The following HAT1 variants were observed in gnomAD, a reference collection of about 807,000 sequenced individuals.
HAT1 encodes histone acetyltransferase 1.
Under a neutral mutation model 56.6 loss-of-function variants are expected in HAT1, and 20 were observed. The ratio of observed to expected loss-of-function variants is 0.35; its 90% CI spans 0.25 to 0.51. The LOEUF is 0.51. Ranked by LOEUF, HAT1 falls within the 20% of genes least tolerant of loss-of-function variation. The pLI is 0.95. For synonymous variants in HAT1, 146 were observed against 165.5 expected (o/e 0.88, Z 0.91); for missense variants, 408 against 504.3 (o/e 0.81, Z 1.83).
At chr2:171,925,889 T>C (rs1686576830) in intron 2 of HAT1, among the ~76,000 whole-genome samples, 1 of 152,202 alleles carries the variant, frequency 6.6e-6, no homozygotes, top group Non-Finnish European at 1.5e-5. Context: ...AATAAGTATA[T>C]ATAGTTTTAG....
chr2:171,946,839 C>A (rs1687179277), intron 3 of HAT1, 56 bp downstream of exon 3: 2 of 759,858 alleles, frequency 2.6e-6, no homozygotes, highest in African/African-American at 1.8e-5. Flanking sequence ...AATTTTCATT[C>A]TTTTTCTTTT....
At chr2:171,979,481 A>G (rs750214102) in intron 10 of HAT1, 118 bp downstream of exon 10, 3 of 634,408 alleles carry the variant, frequency 4.7e-6, no homozygotes, top group South Asian at 3.7e-5. Flanking sequence ...AACTTTTACA[A>G]AAGTAGAAAT....
intron 2 of HAT1, among the ~76,000 whole-genome samples, chr2:171,932,820 G>T (rs759736304): frequency 1.3e-5 from 2 of 152,142 alleles, no homozygotes; most frequent in Admixed American, 6.5e-5. Context: ...AGTGAGCTGC[G>T]ATCATCTCAC....
intron 2 of HAT1, among the ~76,000 whole-genome samples, chr2:171,932,634 A>G (rs1175337747): frequency 6.6e-6 from 1 of 152,160 alleles, no homozygotes; most frequent in Non-Finnish European, 1.5e-5. Flanking sequence ...TTGGGAGGCC[A>G]AGGCAGAAGG....
chr2:171,953,448 A>C (rs950867063), intron 4 of HAT1, among the ~76,000 whole-genome samples: 5 of 151,544 alleles, frequency 3.3e-5, no homozygotes, highest in Admixed American at 6.6e-5. Flanking sequence ...TTGGAGGCTG[A>C]AGTGGGAGGA....
At chr2:171,978,078 A>G (rs1688033034) in intron 9 of HAT1, among the ~76,000 whole-genome samples, 1 of 134,402 alleles carries the variant, frequency 7.4e-6, no homozygotes, top group South Asian at 2.2e-4. Context: ...TTTTTTTGAG[A>G]CAGGGTCTCT....
At chr2:171,972,731 G>C (rs1285971796) in intron 8 of HAT1, among the ~76,000 whole-genome samples, 3 of 152,214 alleles carry the variant, frequency 2.0e-5, no homozygotes, top group Non-Finnish European at 4.4e-5. Flanking sequence ...CTCCTATATA[G>C]TCCATGCTTA....
In HAT1 at chr2:171,965,440, C is replaced by A; in HGVS notation, c.412C>A (p.Pro138Thr). The A allele has an allele frequency of 6.2e-7, 1 of 1,610,722 alleles. No homozygotes were observed. The highest frequency in any genetic ancestry group is 1.1e-5 in the South Asian group (1 of 90,972). Residue 138 changes from proline to threonine, a missense_variant, in exon 5 of 11, where the codon CCA becomes ACA. By Grantham distance (38) the Pro-to-Thr change is conservative. Coordinates refer to ENST00000264108, the MANE Select transcript of HAT1 (RefSeq NM_003642.4). ...ACTGGAAAAGGAAGTTGATTTCAAG[C>A]CATTCGGAACCTTACTTCATACCTA... is the stretch of plus-strand genomic sequence containing the variant. ...SLLEKEVDFK[P>T]FGTLLHTYSV...
chr2:171,977,758 C>T (rs1402960727), intron 9 of HAT1, among the ~76,000 whole-genome samples: 1 of 151,350 alleles, frequency 6.6e-6, no homozygotes, highest in Non-Finnish European at 1.5e-5. Flanking sequence ...AACTCTGCCA[C>T]ATCCTTCTTC....
intron 2 of HAT1, among the ~76,000 whole-genome samples, chr2:171,931,926 C>A (rs914940212): frequency 5.9e-5 from 9 of 152,098 alleles, no homozygotes; most frequent in Non-Finnish European, 1.3e-4. Context: ...AAATTTTGAG[C>A]CTTTCACCAT....
chr2:171,972,963 C>T (rs1174093563), intron 8 of HAT1, among the ~76,000 whole-genome samples: 1 of 152,132 alleles, frequency 6.6e-6, no homozygotes, highest in Non-Finnish European at 1.5e-5. Flanking sequence ...GTTGTGTGAC[C>T]TTTCTGGTTA....
Position 171,965,486 on chromosome 2 carries a change from G to C in HAT1, c.458G>C (p.Gly153Ala). The change falls in exon 5 of 11, where the codon GGA (glycine) becomes GCA (alanine). Residue 153 changes from glycine to alanine, a missense_variant. Coordinates refer to ENST00000264108, the MANE Select transcript of HAT1 (RefSeq NM_003642.4). ...LHTYSVLSPTGGENFTFQIYK... is the reference protein window; with the variant it reads ...LHTYSVLSPTAGENFTFQIYK... ...ACCTACTCAGTTCTCAGTCCAACAG[G>C]AGGAGAAAACTTTACCTTTCAGATA... 6.3e-7 allele frequency: 1 copy of C among 1,598,344 alleles called. No homozygotes were observed.
At chr2:171,969,300 ATTG>A (rs1187149815) in intron 8 of HAT1, among the ~76,000 whole-genome samples, 1 of 152,114 alleles carries the variant, frequency 6.6e-6, no homozygotes, top group Non-Finnish European at 1.5e-5. Context: ...AATGTACTTT[ATTG>A]TTCTGGGATG....
At position 171,983,442 on chromosome 2, in the gene HAT1, C is replaced by T. The variant is rs368733796; in HGVS notation, c.*90C>T. 1.6e-6 allele frequency: 1 copy of T among 615,730 alleles called. No individual in the cohort carries two copies. Among genetic ancestry groups the T allele is most frequent in the Non-Finnish European group, 2.7e-6 (1 of 372,226 alleles). 38.1% of individuals were successfully genotyped at this position (615,730 alleles called of 1,614,324 possible). ...TGACTTTAATTTTAAAATCTTGTGA[C>T]ATTTTGCTTATACTAAAAGTTATCT... On this transcript the variant is annotated 3_prime_UTR_variant, in exon 11 of 11. Coordinates refer to ENST00000264108, the MANE Select transcript of HAT1 (RefSeq NM_003642.4).
At position 171,966,887 on chromosome 2, in the gene HAT1, C is replaced by T. The variant is rs141219661; in HGVS notation, c.761C>T (p.Ala254Val). 8 of 1,595,188 alleles carry T rather than the reference C, an allele frequency of 5.0e-6. No homozygotes were observed. Among genetic ancestry groups the T allele is most frequent in the African/African-American group, 1.3e-5 (1 of 74,518 alleles). The stretch of plus-strand genomic sequence containing the variant: ...CCATTTCAAGGTCAAGGCCATGGTG[C>T]TCAACTTCTTGAAACAGTTCATAGA... ...LTPFQGQGHG[A>V]QLLETVHRYY... is the part of the protein sequence containing the mutation. The change falls in exon 8 of 11, where the codon GCT becomes GTT. Residue 254 changes from alanine to valine, a missense_variant. Transcript: ENST00000264108.
At chr2:171,941,731 T>C (rs530216629) in intron 2 of HAT1, among the ~76,000 whole-genome samples, 2 of 152,174 alleles carry the variant, frequency 1.3e-5, no homozygotes, top group Non-Finnish European at 2.9e-5. Context: ...TAAATACAGA[T>C]GAAGCTTTTC....
chr2:171,934,747 A>G (rs1221801659), intron 2 of HAT1, among the ~76,000 whole-genome samples: 1 of 137,518 alleles, frequency 7.3e-6, no homozygotes, highest in Non-Finnish European at 1.5e-5. Context: ...AAATTTAACT[A>G]GAGTGGGTTT....
intron 3 of HAT1, among the ~76,000 whole-genome samples, chr2:171,950,724 G>C (rs1687287254): frequency 6.6e-6 from 1 of 151,984 alleles, no homozygotes; most frequent in African/African-American, 2.4e-5. Flanking sequence ...GGCTGGTCTT[G>C]AACTCCTGAC....
intron 9 of HAT1, among the ~76,000 whole-genome samples, chr2:171,978,369 T>G (rs72890842): frequency 0.18 from 27,629 of 152,198 alleles, 2,869 homozygotes; most frequent in Non-Finnish European, 0.24. Context: ...TAACTGTCAC[T>G]GTACTAGCAG....
Sources: gnomAD v4.1 joint callset for allele counts (sites outside exome capture counted in the v4.1 genomes callset) on GRCh38, gnomAD v4.1.1 for gene constraint, MANE v1.5 for transcripts, NCBI Gene and HGNC (gene_info 2026-07-23, HGNC 2026-07-21) for gene names.